PALM2AKAP2: variants seen among roughly 807,000 people sequenced by gnomAD.
PALM2AKAP2 encodes PALM2-AKAP2 fusion protein.
In PALM2AKAP2, 37 loss-of-function variants were observed where a neutral mutation model predicts 71.5. The ratio of observed to expected loss-of-function variants is 0.52; its 90% CI spans 0.40 to 0.68. The LOEUF (loss-of-function observed/expected upper bound fraction) is 0.68, where lower values mean the gene tolerates loss of function less well. PALM2AKAP2 is among the 30% of genes least tolerant of loss of function. PALM2AKAP2 has a pLI of 0.00. For synonymous variants in PALM2AKAP2, 468 were observed against 478.8 expected (o/e 0.98, Z 0.29); for missense variants, 1,224 against 1,191.8 (o/e 1.03, Z -0.40).
intron 7 of PALM2AKAP2, among the ~76,000 whole-genome samples, chr9:110,040,867 G>A (rs1024006121): frequency 5.9e-5 from 9 of 152,190 alleles, no homozygotes; most frequent in African/African-American, 2.2e-4. Flanking sequence ...CTGTGAACAA[G>A]CTGTGTACAT....
At chr9:109,762,108 C>A (rs1242595322) in intron 1 of PALM2AKAP2, among the ~76,000 whole-genome samples, 3 of 150,964 alleles carry the variant, frequency 2.0e-5, no homozygotes, top group East Asian at 1.9e-4. Flanking sequence ...ATTAATTCAA[C>A]CATTGTGGAA....
chr9:109,773,978 C>G (rs942038033), intron 1 of PALM2AKAP2, among the ~76,000 whole-genome samples: 2 of 149,518 alleles, frequency 1.3e-5, no homozygotes, highest in Admixed American at 1.3e-4. Flanking sequence ...TAGGCTTTCC[C>G]AATTTCATTA....
At chr9:110,001,847 A>G (rs62580195) in intron 6 of PALM2AKAP2, among the ~76,000 whole-genome samples, 2 of 152,042 alleles carry the variant, frequency 1.3e-5, no homozygotes, top group East Asian at 1.9e-4. Context: ...ATGCTTGTGA[A>G]TTTTGCACAT....
chr9:109,772,551 C>T (rs1433375533), intron 1 of PALM2AKAP2, among the ~76,000 whole-genome samples: 1 of 152,202 alleles, frequency 6.6e-6, no homozygotes, highest in African/African-American at 2.4e-5. Context: ...CCATCTCATC[C>T]TCTGACTGCT....
intron 6 of PALM2AKAP2, among the ~76,000 whole-genome samples, chr9:109,985,049 G>A (rs1046212226): frequency 1.3e-5 from 2 of 151,940 alleles, no homozygotes; most frequent in African/African-American, 4.8e-5. Context: ...GGTGGTGCAC[G>A]CCTGCAGTCC....
intron 1 of PALM2AKAP2, among the ~76,000 whole-genome samples, chr9:109,767,714 A>G (rs545951156): frequency 1.9e-4 from 29 of 151,802 alleles, no homozygotes; most frequent in African/African-American, 6.8e-4. Flanking sequence ...TCCTCCTCCC[A>G]TACCTAAACC....
chr9:110,122,780 A>G (rs1157504595), intron 1 of PALM2AKAP2, among the ~76,000 whole-genome samples: 1 of 152,194 alleles, frequency 6.6e-6, no homozygotes, highest in Non-Finnish European at 1.5e-5. Flanking sequence ...AAACTAACGA[A>G]ATCAGGTTAC....
intron 1 of PALM2AKAP2, among the ~76,000 whole-genome samples, chr9:109,768,888 G>T (rs898668664): frequency 3.3e-5 from 5 of 152,170 alleles, no homozygotes; most frequent in Non-Finnish European, 5.9e-5. Flanking sequence ...AGGAGGCCAA[G>T]GTGGGAGGAT....
At chr9:110,122,881 G>A (rs988273005) in intron 1 of PALM2AKAP2, among the ~76,000 whole-genome samples, 3 of 152,084 alleles carry the variant, frequency 2.0e-5, no homozygotes, top group Non-Finnish European at 2.9e-5. Flanking sequence ...GCAGCTAGAC[G>A]TTACCTGCTG....
intron 6 of PALM2AKAP2, among the ~76,000 whole-genome samples, chr9:109,949,462 T>G (rs1194803529): frequency 1.3e-5 from 2 of 152,236 alleles, no homozygotes; most frequent in African/African-American, 4.8e-5. Context: ...ATGGAATATT[T>G]TACAGTTATG....
intron 3 of PALM2AKAP2, among the ~76,000 whole-genome samples, chr9:109,890,449 C>G (rs530097165): frequency 1.7e-4 from 26 of 152,182 alleles, no homozygotes; most frequent in Non-Finnish European, 3.1e-4. Context: ...AATATACAAA[C>G]TGTCTCTGAT....
intron 1 of PALM2AKAP2, among the ~76,000 whole-genome samples, chr9:110,085,031 C>T (rs1039048153): frequency 3.3e-5 from 5 of 152,100 alleles, no homozygotes; most frequent in Non-Finnish European, 1.5e-5. Context: ...TGAGCCACCG[C>T]GCCCGGCCTA....
intron 1 of PALM2AKAP2, among the ~76,000 whole-genome samples, chr9:109,675,676 C>T (rs1827637170): frequency 6.6e-6 from 1 of 152,048 alleles, no homozygotes; most frequent in Admixed American, 6.6e-5. Context: ...CTTTAGCATC[C>T]CTATCATCAT....
intron 3 of PALM2AKAP2, among the ~76,000 whole-genome samples, chr9:109,899,781 C>T (rs1278250548): frequency 6.6e-6 from 1 of 152,212 alleles, no homozygotes; most frequent in Admixed American, 6.5e-5. Context: ...GAACGTTCTT[C>T]AGCTGCTCTT....
At chr9:110,137,901 C>G in exon 2 of PALM2AKAP2, 4 of 1,614,168 alleles carry the variant, frequency 2.5e-6, no homozygotes, top group Non-Finnish European at 3.4e-6. Flanking sequence ...CCTTCCTCCA[C>G]GCTGGGGGAC....
intron 1 of PALM2AKAP2, among the ~76,000 whole-genome samples, chr9:109,683,474 G>A (rs1827766332): frequency 6.6e-6 from 1 of 152,164 alleles, no homozygotes; most frequent in African/African-American, 2.4e-5. Flanking sequence ...ACCAGAAGCA[G>A]GGAGAGAAGG....
intron 1 of PALM2AKAP2, chr9:109,760,727 T>G (rs1339788493): frequency 6.6e-6 from 1 of 152,174 alleles, no homozygotes; most frequent in African/African-American, 2.4e-5. Flanking sequence ...TAGCCCACTG[T>G]ATAAGAGGTG....
intron 6 of PALM2AKAP2, among the ~76,000 whole-genome samples, chr9:109,990,930 G>T (rs1832468909): frequency 6.6e-6 from 1 of 152,214 alleles, no homozygotes; most frequent in Non-Finnish European, 1.5e-5. Flanking sequence ...TTGGTGCCGA[G>T]TAATTTGTTT....
chr9:109,784,365 C>G (rs925607130), intron 1 of PALM2AKAP2, among the ~76,000 whole-genome samples: 2 of 152,008 alleles, frequency 1.3e-5, no homozygotes, highest in Admixed American at 6.5e-5. Context: ...AAACAATTCC[C>G]CAAAAAGAAG....
Sources: allele counts gnomAD v4.1 joint callset (sites outside exome capture counted in the v4.1 genomes callset), GRCh38; gene constraint gnomAD v4.1.1; transcripts MANE v1.5; gene names NCBI Gene and HGNC (gene_info 2026-07-23, HGNC 2026-07-21).